MARCHF11: variants seen among roughly 807,000 people sequenced by gnomAD.
The protein encoded by MARCHF11 is E3 ubiquitin-protein ligase MARCHF11.
In MARCHF11, 29 loss-of-function variants were observed where a neutral mutation model predicts 37.3. The ratio of observed to expected loss-of-function variants is 0.78; its 90% CI spans 0.58 to 1.06. The LOEUF (loss-of-function observed/expected upper bound fraction) is 1.06. Among genes scored for constraint, MARCHF11 ranks in the 50% least tolerant of loss-of-function variants. MARCHF11 has a pLI of 0.00. For missense variants in MARCHF11, 482 were observed against 533.4 expected (o/e 0.90, Z 0.95); for synonymous variants, 233 against 228.0 (o/e 1.02, Z -0.20).
intron 1 of MARCHF11, 30 bp downstream of exon 1, chr5:16,179,009 C>T (rs746054318): frequency 7.1e-7 from 1 of 1,402,312 alleles, no homozygotes; most frequent in Non-Finnish European, 9.2e-7. Context: ...GAGCCGCCAC[C>T]GGCTGCCTCG....
intron 2 of MARCHF11, among the ~76,000 whole-genome samples, chr5:16,176,506 T>A (rs1738367532): frequency 6.6e-6 from 1 of 152,206 alleles, no homozygotes; most frequent in Non-Finnish European, 1.5e-5. Context: ...ATAATATCAC[T>A]CATCCATATT....
intron 2 of MARCHF11, among the ~76,000 whole-genome samples, chr5:16,098,961 G>C (rs1388639268): frequency 1.3e-5 from 2 of 151,986 alleles, no homozygotes; most frequent in Non-Finnish European, 2.9e-5. Context: ...AACTAGATTA[G>C]ATTTATTTTT....
At chr5:16,103,380 G>A (rs1005000104) in intron 2 of MARCHF11, among the ~76,000 whole-genome samples, 1 of 152,138 alleles carries the variant, frequency 6.6e-6, no homozygotes, top group Non-Finnish European at 1.5e-5. Flanking sequence ...GGGTTTTATT[G>A]TTGCTAGAGA....
At chr5:16,174,363 G>A (rs764656604) in intron 2 of MARCHF11, among the ~76,000 whole-genome samples, 2 of 152,178 alleles carry the variant, frequency 1.3e-5, no homozygotes, top group African/African-American at 2.4e-5. Flanking sequence ...GGCAATTAAG[G>A]TTTAACTACG....
intron 2 of MARCHF11, among the ~76,000 whole-genome samples, chr5:16,111,305 T>A (rs748162432): frequency 6.6e-6 from 1 of 152,168 alleles, no homozygotes; most frequent in East Asian, 1.9e-4. Flanking sequence ...TAGAGACTTG[T>A]TGAATGGCTT....
chr5:16,076,589 A>T (rs1330920625), intron 3 of MARCHF11, among the ~76,000 whole-genome samples: 3 of 152,230 alleles, frequency 2.0e-5, no homozygotes, highest in Non-Finnish European at 2.9e-5. Flanking sequence ...GGAGCATCAT[A>T]TATCACAGGG....
At chr5:16,076,553 C>T (rs1736521398) in intron 3 of MARCHF11, among the ~76,000 whole-genome samples, 1 of 152,116 alleles carries the variant, frequency 6.6e-6, no homozygotes, top group Non-Finnish European at 1.5e-5. Context: ...AATTCTTGGA[C>T]AGATGAAACA....
chr5:16,112,442 C>T (rs183569128), intron 2 of MARCHF11, among the ~76,000 whole-genome samples: 657 of 152,280 alleles, frequency 4.3e-3, no homozygotes, highest in Non-Finnish European at 6.8e-3. Flanking sequence ...CCACTGGATT[C>T]TGGACTTGCA....
In MARCHF11 at chr5:16,084,989, A is replaced by AGTGTGTGTGTGTGTGT. The variant is rs530675511; in HGVS notation, c.886+5899_886+5900insACACACACACACACAC. ...ACATCAGGGATCAATCAGGGATCAG[A>AGTGTGTGTGTGTGTGT]GTGAGTGTGTGTGTGTGTGTGTGCG... On this transcript the variant is annotated intron_variant, in intron 3 of 3. Transcript: ENST00000332432. Among the ~76,000 whole-genome samples the AGTGTGTGTGTGTGTGT allele has an allele frequency of 3.3e-3, 419 of 128,738 alleles. 1 individual carries two copies. Among genetic ancestry groups the AGTGTGTGTGTGTGTGT allele is most frequent in the African/African-American group, 0.012 (407 of 34,934 alleles). The allele number at this position is 128,738 out of a possible 152,430, so 84.5% of individuals were successfully genotyped here.
chr5:16,119,402 G>A (rs1161072481), intron 2 of MARCHF11, among the ~76,000 whole-genome samples: 1 of 151,496 alleles, frequency 6.6e-6, no homozygotes, highest in Non-Finnish European at 1.5e-5. Context: ...AGAAACAACT[G>A]AGGAACAAAA....
chr5:16,158,260 T>C (rs1011648459), intron 2 of MARCHF11, among the ~76,000 whole-genome samples: 3 of 151,854 alleles, frequency 2.0e-5, no homozygotes, highest in Admixed American at 6.6e-5. Flanking sequence ...TGGAAAGCAG[T>C]ATGATGGTTA....
intron 2 of MARCHF11, among the ~76,000 whole-genome samples, chr5:16,116,341 C>T (rs1579390802): frequency 6.6e-6 from 1 of 152,268 alleles, no homozygotes; most frequent in Admixed American, 6.5e-5. Context: ...AAATAGACAG[C>T]ATCCACTACA....
intron 2 of MARCHF11, among the ~76,000 whole-genome samples, chr5:16,132,923 A>G (rs991607548): frequency 2.6e-5 from 4 of 152,214 alleles, no homozygotes; most frequent in African/African-American, 4.8e-5. Context: ...AGCAACTGAC[A>G]TAAACATGAA....
At chr5:16,118,493 A>T (rs1737257106) in intron 2 of MARCHF11, among the ~76,000 whole-genome samples, 2 of 152,208 alleles carry the variant, frequency 1.3e-5, no homozygotes, top group African/African-American at 4.8e-5. Flanking sequence ...GAGATCGGAG[A>T]ACAAGAAGGT....
chr5:16,141,539 T>G (rs567346452), intron 2 of MARCHF11: 1 of 152,318 alleles, frequency 6.6e-6, no homozygotes, highest in Non-Finnish European at 1.5e-5. Flanking sequence ...CATCTTCTGT[T>G]GGCAAAATAA....
At chr5:16,075,649 A>G (rs1339065933) in intron 3 of MARCHF11, among the ~76,000 whole-genome samples, 2 of 152,244 alleles carry the variant, frequency 1.3e-5, no homozygotes, top group African/African-American at 4.8e-5. Context: ...ACAAGGAATG[A>G]CTTGATCTAG....
intron 3 of MARCHF11, among the ~76,000 whole-genome samples, chr5:16,078,548 T>G (rs552824261): frequency 6.6e-6 from 1 of 152,352 alleles, no homozygotes; most frequent in South Asian, 2.1e-4. Flanking sequence ...CTCAGTGTTC[T>G]GCATGGAAGC....
chr5:16,084,031 T>C (rs1736654139), intron 3 of MARCHF11, among the ~76,000 whole-genome samples: 2 of 152,222 alleles, frequency 1.3e-5, no homozygotes, highest in African/African-American at 2.4e-5. Context: ...AGTAAATGTA[T>C]ATTTTAAGTT....
chr5:16,097,973 A>G (rs552834742), intron 2 of MARCHF11, among the ~76,000 whole-genome samples: 6 of 152,366 alleles, frequency 3.9e-5, no homozygotes, highest in Admixed American at 2.6e-4. Flanking sequence ...CCAGCAATAT[A>G]TAAAAACAAC....
Sources: gnomAD v4.1 joint callset for allele counts (sites outside exome capture counted in the v4.1 genomes callset) on GRCh38, gnomAD v4.1.1 for gene constraint, MANE v1.5 for transcripts, NCBI Gene and HGNC (gene_info 2026-07-23, HGNC 2026-07-21) for gene names.